The following ZNF479 variants were observed in gnomAD, a reference collection of about 807,000 sequenced individuals.
The protein encoded by ZNF479 is KRAB zinc finger protein KR19.
Under a neutral mutation model 14.7 loss-of-function variants are expected in ZNF479, and 15 were observed. The ratio of observed to expected loss-of-function variants is 1.02; its 90% CI spans 0.68 to 1.57. The LOEUF (loss-of-function observed/expected upper bound fraction) is 1.57, where lower values mean the gene tolerates loss of function less well. Among genes scored for constraint, ZNF479 ranks in the 40% most tolerant of loss-of-function variants. ZNF479 has a pLI of 0.00. For synonymous variants in ZNF479, 145 were observed against 211.5 expected (o/e 0.69, Z 2.73); for missense variants, 506 against 615.1 (o/e 0.82, Z 1.88).
At chr7:57,131,199 A>G (rs1394105566) in intron 1 of ZNF479, among the ~76,000 whole-genome samples, 1 of 152,090 alleles carries the variant, frequency 6.6e-6, no homozygotes, top group African/African-American at 2.4e-5. Flanking sequence ...CTGTACACAA[A>G]AACTTCATGA....
chr7:57,126,694 C>T lies in ZNF479; in HGVS notation c.64G>A (p.Ala22Thr). 1.2e-6 allele frequency: 2 copies of T among 1,614,006 alleles called. No individual in the cohort carries two copies. The highest frequency in any genetic ancestry group is 2.2e-5 in the South Asian group (2 of 91,088). The change falls in exon 2 of 4, where the codon GCT (alanine) becomes ACT (threonine). Residue 22 changes from alanine (A) to threonine (T), a missense_variant. Ala to Thr is a moderately conservative substitution (Grantham distance 58). Coordinates refer to ENST00000319636, the MANE Select transcript of ZNF479 (RefSeq NM_001370129.2). The part of the protein sequence containing the change: ...EMGLLTFRDI[A>T]IEFSLEEWQC... ...CATTCCTCCAGAGAGAATTCTATAGCTATGTCTCTGAATGTCAACAGTCCC... is the reference window on the plus strand; with the variant it reads ...CATTCCTCCAGAGAGAATTCTATAGTTATGTCTCTGAATGTCAACAGTCCC...
In ZNF479 at chr7:57,118,492, C is replaced by T. The variant is rs868915443; in HGVS notation, c.*1348G>A. Among the ~76,000 whole-genome samples the T allele has an allele frequency of 1.2e-4, 19 of 152,226 alleles. No homozygotes were observed. The highest frequency in any genetic ancestry group is 2.2e-4 in the African/African-American group (9 of 41,550). On this transcript the variant is annotated 3_prime_UTR_variant, in exon 4 of 4. Coordinates refer to ENST00000319636, the MANE Select transcript of ZNF479 (RefSeq NM_001370129.2). ...GTTCAAGCAATTCTCCTACCTCTGC[C>T]TGCCAAGTAGCTGGGATTACAAGTG...
At chr7:57,132,462 T>G, upstream of ZNF479, 8 of 1,339,532 alleles carry the variant, frequency 6.0e-6, no homozygotes, top group Non-Finnish European at 8.4e-6. Flanking sequence ...GGAAGTAGCC[T>G]GTTCTTTCCA....
In ZNF479 at chr7:57,118,380, T is replaced by A. The variant is rs1209666324; in HGVS notation, c.*1460A>T. 6.7e-5 allele frequency among the ~76,000 whole-genome samples: 10 copies of A among 148,612 alleles called. No individual in the cohort carries two copies. The highest frequency in any genetic ancestry group is 1.5e-4 in the Non-Finnish European group (10 of 67,724). ...CTTTTTACAGTAATCACATTTATAATTTTTTTTTTGAGACAGAGTCTTGCT... is the reference window on the plus strand; with the variant it reads ...CTTTTTACAGTAATCACATTTATAAATTTTTTTTTGAGACAGAGTCTTGCT... On this transcript the variant is annotated 3_prime_UTR_variant, in exon 4 of 4. Transcript: ENST00000319636.
At chr7:57,122,886 A>G (rs999696031) in intron 3 of ZNF479, among the ~76,000 whole-genome samples, 3 of 152,158 alleles carry the variant, frequency 2.0e-5, no homozygotes, top group Non-Finnish European at 4.4e-5. Flanking sequence ...TTCAAAACAT[A>G]TAAAGCAAAT....
In ZNF479 at chr7:57,118,941, C is replaced by A. The variant is rs1343249396; in HGVS notation, c.*899G>T. On this transcript the variant is annotated 3_prime_UTR_variant, in exon 4 of 4. Coordinates refer to ENST00000319636, the MANE Select transcript of ZNF479 (RefSeq NM_001370129.2). ...CTAGAGTTTCTCACCAGTATGATTT[C>A]TCTTTTTTAGAAAAGTTTGAGGTGT... Among the ~76,000 whole-genome samples, 6 of 152,186 alleles carry A rather than the reference C, an allele frequency of 3.9e-5. No individual in the cohort carries two copies. The highest frequency in any genetic ancestry group is 5.9e-5 in the Non-Finnish European group (4 of 68,028).
At chr7:57,127,915 T>C (rs574612328) in intron 1 of ZNF479, among the ~76,000 whole-genome samples, 64 of 145,020 alleles carry the variant, frequency 4.4e-4, no homozygotes, top group African/African-American at 1.6e-3. Context: ...AATCTACATT[T>C]AATTTTATTA....
chr7:57,120,493 C>G lies in ZNF479; in HGVS notation c.922G>C (p.Val308Leu). Reference protein sequence around the residue: ...KCEECGKAFSVSSTLTDHKRI... With the variant: ...KCEECGKAFSLSSTLTDHKRI... ...TTGTGGTCAGTGAGGGTTGAGGATA[C>G]GCTAAAGGCTTTGCCACATTCTTCA... is the stretch of plus-strand genomic sequence containing the variant. The change falls in exon 4 of 4, where the codon GTA (valine) becomes CTA (leucine). Residue 308 changes from valine (V) to leucine (L), a missense_variant. Coordinates refer to ENST00000319636, the MANE Select transcript of ZNF479 (RefSeq NM_001370129.2). 3 of 1,533,292 alleles carry G rather than the reference C, an allele frequency of 2.0e-6. No homozygotes were observed. The highest frequency in any genetic ancestry group is 2.6e-6 in the Non-Finnish European group (3 of 1,139,230). The allele number at this position is 1,533,292 out of a possible 1,614,324, so 95.0% of individuals were successfully genotyped here. A position where few individuals can be genotyped will look rare whatever the true frequency, so the allele number is the denominator to read the frequency against.
intron 1 of ZNF479, among the ~76,000 whole-genome samples, chr7:57,129,924 A>T (rs1786341926): frequency 6.6e-6 from 1 of 152,234 alleles, no homozygotes; most frequent in Non-Finnish European, 1.5e-5. Context: ...GCAGAAATAA[A>T]ATTTTTGAAA....
intron 3 of ZNF479, among the ~76,000 whole-genome samples, chr7:57,123,585 G>A (rs1400880179): frequency 1.3e-5 from 2 of 152,130 alleles, no homozygotes. Context: ...TGTAATCCCA[G>A]CAGTTTGGGA....
intron 3 of ZNF479, among the ~76,000 whole-genome samples, chr7:57,122,817 A>T (rs1554400885): frequency 2.0e-5 from 3 of 152,126 alleles, no homozygotes. Flanking sequence ...GAGTCCATTT[A>T]CTAGGAATCT....
At chr7:57,129,952 A>G (rs1486844414) in intron 1 of ZNF479, among the ~76,000 whole-genome samples, 1 of 152,256 alleles carries the variant, frequency 6.6e-6, no homozygotes, top group Admixed American at 6.5e-5. Flanking sequence ...CAACCGAAAT[A>G]CAACATACCA....
rs1343506733 is a variant in ZNF479 at position 57,120,601 on chromosome 7, C to T, written c.814G>A (p.Glu272Lys). Residue 272 changes from glutamate to lysine, a missense_variant, in exon 4 of 4, where the codon GAA becomes AAA. By Grantham distance (56) the Glu-to-Lys change is moderately conservative. This residue lies in a region of ZNF479 where 420 missense variants were observed against 474.2 expected (regional missense o/e 0.89). Coordinates refer to ENST00000319636, the MANE Select transcript of ZNF479 (RefSeq NM_001370129.2). ...CGCCTAAAGGCTTGGCCACATTCTT[C>T]ACACGTGTAGGGTTTCTCTCCAGTA... ...THTGEKPYTCEECGQAFRRSS... is the reference protein window; with the variant it reads ...THTGEKPYTCKECGQAFRRSS... The T allele has an allele frequency of 1.2e-5, 19 of 1,613,862 alleles. No individual in the cohort carries two copies. The highest frequency in any genetic ancestry group is 1.5e-5 in the Non-Finnish European group (18 of 1,179,926).
upstream of ZNF479, among the ~76,000 whole-genome samples, chr7:57,134,743 C>T (rs1214091656): frequency 9.6e-5 from 14 of 145,316 alleles, no homozygotes; most frequent in African/African-American, 3.5e-4. Context: ...GGCGCCATCT[C>T]GGCTCACTAC....
rs1554399885 is a variant in ZNF479 at position 57,120,083 on chromosome 7, T to A, written c.1332A>T (p.Lys444Asn). The A allele has an allele frequency of 6.2e-7, 1 of 1,613,808 alleles. No homozygotes were observed. The highest frequency in any genetic ancestry group is 8.5e-7 in the Non-Finnish European group (1 of 1,179,930). Residue 444 changes from lysine to asparagine, a missense_variant, in exon 4 of 4, where the codon AAA becomes AAT. Lys to Asn is a moderately conservative substitution (Grantham distance 94, BLOSUM62 0). Transcript: ENST00000319636. ...TGAGGGTTGAGGATAAGCTAAAGGC[T>A]TTGCCACATTCTTCACATTTGTAGG... is the stretch of plus-strand genomic sequence containing the variant. Reference protein sequence around the residue: ...ERPYKCEECGKAFSLSSTLTD... With the variant: ...ERPYKCEECGNAFSLSSTLTD...
intron 1 of ZNF479, 50 bp from the exon 2 acceptor site, chr7:57,126,768 C>T: frequency 1.9e-6 from 3 of 1,612,300 alleles, no homozygotes; most frequent in Non-Finnish European, 2.5e-6. Flanking sequence ...GCACTTACCA[C>T]ACGGCCATAG....
At chr7:57,129,608 G>A (rs1170846420) in intron 1 of ZNF479, among the ~76,000 whole-genome samples, 2 of 152,158 alleles carry the variant, frequency 1.3e-5, no homozygotes, top group Admixed American at 1.3e-4. Flanking sequence ...CTGTACACAT[G>A]TACTAATAAA....
chr7:57,124,434 T>C (rs1204944482), intron 3 of ZNF479, among the ~76,000 whole-genome samples: 1 of 152,182 alleles, frequency 6.6e-6, no homozygotes, highest in Non-Finnish European at 1.5e-5. Flanking sequence ...TGAAGTTGAA[T>C]GGTTTAATTG....
chr7:57,135,016 A>G (rs539326430), upstream of ZNF479, among the ~76,000 whole-genome samples: 1 of 152,218 alleles, frequency 6.6e-6, no homozygotes, highest in Non-Finnish European at 1.5e-5. Flanking sequence ...CAAGAACCCA[A>G]TCTTCGTTTC....
Sources: allele counts gnomAD v4.1 joint callset (sites outside exome capture counted in the v4.1 genomes callset), GRCh38; gene constraint gnomAD v4.1.1; regional missense constraint gnomAD v4.1.1; transcripts MANE v1.5; gene names NCBI Gene and HGNC (gene_info 2026-07-23, HGNC 2026-07-21).